THEMIS2: variants seen among roughly 807,000 people sequenced by gnomAD.
THEMIS2 encodes the protein protein THEMIS2.
A neutral mutation model predicts 46.8 loss-of-function variants in THEMIS2; 29 were observed. The ratio of observed to expected loss-of-function variants is 0.62; its 90% CI spans 0.46 to 0.84. THEMIS2 has a LOEUF of 0.84. Among genes scored for constraint, THEMIS2 ranks in the 40% least tolerant of loss-of-function variants. THEMIS2 has a pLI of 0.00. For missense variants in THEMIS2, 698 were observed against 834.7 expected (o/e 0.84, Z 2.02); for synonymous variants, 335 against 349.1 (o/e 0.96, Z 0.45).
Position 27,872,704 on chromosome 1 carries a change from T to A in THEMIS2, c.94+39T>A. ...GGAACCCCTCCGAGCACTCCCTTGG[T>A]GTGGGGCGGGGGCAGAGACCCGGAG... On this transcript the variant is annotated intron_variant, in intron 1 of 5. Coordinates refer to ENST00000373921, the MANE Select transcript of THEMIS2 (RefSeq NM_001105556.3). The surrounding 1 kb of genome is among the most constrained non-coding windows in gnomAD (Gnocchi z 4.9). 1 of 1,259,468 alleles carries A rather than the reference T, an allele frequency of 7.9e-7. No individual in the cohort carries two copies. Among genetic ancestry groups the A allele is most frequent in the Non-Finnish European group, 1.0e-6 (1 of 996,596 alleles). 78.0% of individuals were successfully genotyped at this position (1,259,468 alleles called of 1,614,324 possible).
chr1:27,882,030 G>A lies in THEMIS2; in HGVS notation c.706G>A (p.Ala236Thr), dbSNP rs1161184463. ...TLEVDVEDVT[A>T]SSRHVHFIKP... ...GGAGGTCGACGTGGAGGACGTCACCGCCTCCTCCCGGCACGTCCACTTTAT... is the reference window on the plus strand; with the variant it reads ...GGAGGTCGACGTGGAGGACGTCACCACCTCCTCCCGGCACGTCCACTTTAT... Residue 236 changes from alanine to threonine, a missense_variant, in exon 4 of 6, where the codon GCC (alanine) becomes ACC (threonine). Physicochemically the swap from Ala to Thr is moderately conservative, Grantham distance 58. Coordinates refer to ENST00000373921, the MANE Select transcript of THEMIS2 (RefSeq NM_001105556.3). The surrounding 1 kb of genome is among the most constrained non-coding windows in gnomAD (Gnocchi z 7.6). 7 of 1,614,072 alleles carry A rather than the reference G, an allele frequency of 4.3e-6. No individual in the cohort carries two copies. The highest frequency in any genetic ancestry group is 4.0e-5 in the African/African-American group (3 of 75,042).
Position 27,886,017 on chromosome 1 carries a change from A to C in THEMIS2, c.*95A>C. On this transcript the variant is annotated 3_prime_UTR_variant, in exon 6 of 6. Coordinates refer to ENST00000373921, the MANE Select transcript of THEMIS2 (RefSeq NM_001105556.3). ...CTCTAAAAGACCTCGGGCAAGTCTC[A>C]CAGAAACTGAGCTGCAGACGGGGAG... 100 of 1,192,294 alleles carry C rather than the reference A, an allele frequency of 8.4e-5. No homozygotes were observed. Among genetic ancestry groups the C allele is most frequent in the Non-Finnish European group, 1.2e-4 (94 of 806,414 alleles). 73.9% of individuals were successfully genotyped at this position (1,192,294 alleles called of 1,614,324 possible).
At position 27,876,702 on chromosome 1, in the gene THEMIS2, C is replaced by A; in HGVS notation, c.209C>A (p.Thr70Asn). The A allele has an allele frequency of 1.2e-6, 2 of 1,613,972 alleles. No individual in the cohort carries two copies. The highest frequency in any genetic ancestry group is 1.7e-6 in the Non-Finnish European group (2 of 1,179,986). The change falls in exon 2 of 6, where the codon ACC becomes AAC. Residue 70 changes from threonine (T) to asparagine (N), a missense_variant. Physicochemically the swap from Thr to Asn is moderately conservative, Grantham distance 65. Coordinates refer to ENST00000373921, the MANE Select transcript of THEMIS2 (RefSeq NM_001105556.3). ...VVCENPKTSQ[T>N]MELAPNFQGY... ...TGTGAGAACCCGAAGACCAGCCAGA[C>A]CATGGAGCTCGCCCCCAACTTCCAG...
chr1:27,885,136 G>T, intron 4 of THEMIS2, 159 bp from the exon 5 acceptor site: 1 of 680,778 alleles, frequency 1.5e-6, no homozygotes, highest in Admixed American at 2.9e-5. Flanking sequence ...TATTTCACAT[G>T]CATGTAGCAA....
intron 1 of THEMIS2, 90 bp from the exon 2 acceptor site, chr1:27,876,498 T>A: frequency 6.6e-7 from 1 of 1,511,806 alleles, no homozygotes. Flanking sequence ...TGCAAAGGCA[T>A]GGCAGAGCAG....
Position 27,882,500 on chromosome 1 carries a change from C to T in THEMIS2, c.1176C>T (p.Val392=). 6.2e-7 allele frequency: 1 copy of T among 1,613,466 alleles called. No individual in the cohort carries two copies. ...AHGAQGSDVD[V]LVCQRLSDQA... is the part of the protein sequence containing the mutation. ...GGGCCCAGGGCAGTGACGTGGATGT[C>T]TTGGTTTGTCAGCGGCTGAGTGACC... Residue 392 remains valine, a synonymous_variant, in exon 4 of 6, where the codon GTC becomes GTT. Coordinates refer to ENST00000373921, the MANE Select transcript of THEMIS2 (RefSeq NM_001105556.3). This position sits in a 1 kb window ranked among gnomAD's most constrained non-coding sequence, Gnocchi z 7.6.
intron 1 of THEMIS2, among the ~76,000 whole-genome samples, chr1:27,874,039 T>TTTTTTTTTTG (rs2089536135): frequency 7.4e-6 from 1 of 134,850 alleles, no homozygotes; most frequent in African/African-American, 3.1e-5. Flanking sequence ...CTAGGTTTTT[T>TTTTTTTTTTG]TTTTTTTTTT....
intron 2 of THEMIS2, among the ~76,000 whole-genome samples, chr1:27,877,303 G>A (rs2089597961): frequency 1.3e-5 from 2 of 152,046 alleles, no homozygotes. Flanking sequence ...GAAACCCCAA[G>A]GAGCTCAATT....
chr1:27,880,308 C>G (rs915537972), intron 3 of THEMIS2, among the ~76,000 whole-genome samples: 1 of 152,286 alleles, frequency 6.6e-6, no homozygotes, highest in Middle Eastern at 3.4e-3. Context: ...CCTCAGCCTC[C>G]CGAGTAGCTG....
chr1:27,876,351 A>T (rs576499730), intron 1 of THEMIS2, among the ~76,000 whole-genome samples: 1 of 151,972 alleles, frequency 6.6e-6, no homozygotes, highest in East Asian at 1.9e-4. Context: ...AGGCACGGGG[A>T]TGTGAAAAAG....
At position 27,872,678 on chromosome 1, in the gene THEMIS2, TG is replaced by T; in HGVS notation, c.94+15del. 1 of 1,358,120 alleles carries T rather than the reference TG, an allele frequency of 7.4e-7. No homozygotes were observed. The highest frequency in any genetic ancestry group is 9.5e-7 in the Non-Finnish European group (1 of 1,049,928). The allele number at this position is 1,358,120 out of a possible 1,614,324, so 84.1% of individuals were successfully genotyped here. A position where few individuals can be genotyped will look rare whatever the true frequency, so the allele number is the denominator to read the frequency against. The stretch of plus-strand genomic sequence containing the variant: ...GTCTACTTCGAGGGTGAGCGGGGGC[TG>T]GAACCCCTCCGAGCACTCCCTTGGT... On this transcript the variant is annotated intron_variant, in intron 1 of 5. Coordinates refer to ENST00000373921, the MANE Select transcript of THEMIS2 (RefSeq NM_001105556.3). The surrounding 1 kb of genome is among the most constrained non-coding windows in gnomAD (Gnocchi z 4.9).
Position 27,872,622 on chromosome 1 carries a change from C to T in THEMIS2, c.51C>T (p.Ser17=). 5 of 1,474,862 alleles carry T rather than the reference C, an allele frequency of 3.4e-6. No individual in the cohort carries two copies. Among genetic ancestry groups the T allele is most frequent in the East Asian group, 2.9e-5 (1 of 34,678 alleles). 91.4% of individuals were successfully genotyped at this position (1,474,862 alleles called of 1,614,324 possible). The part of the protein sequence containing the change: ...QDFVRALDPA[S]LPRVLRVCSG... The stretch of plus-strand genomic sequence containing the variant: ...TCGTGCGCGCCTTGGACCCCGCCTC[C>T]CTCCCGCGCGTGCTGCGGGTCTGCT... The change falls in exon 1 of 6, where the codon TCC becomes TCT. Residue 17 remains serine (S), a synonymous_variant. Coordinates refer to ENST00000373921, the MANE Select transcript of THEMIS2 (RefSeq NM_001105556.3). This position sits in a 1 kb window ranked among gnomAD's most constrained non-coding sequence, Gnocchi z 4.9.
rs1212756067 is a variant in THEMIS2 at position 27,872,563 on chromosome 1, G to C, written c.-9G>C. On this transcript the variant is annotated 5_prime_UTR_variant, in exon 1 of 6. Transcript: ENST00000373921. This position sits in a 1 kb window ranked among gnomAD's most constrained non-coding sequence, Gnocchi z 4.9. Reference sequence around the variant, plus strand: ...CCCCTCAGTCTGAGCCCAGAGAGCCGCGGGGACCATGGAGCCGGTGCCGCT... The same window carrying C: ...CCCCTCAGTCTGAGCCCAGAGAGCCCCGGGGACCATGGAGCCGGTGCCGCT... 6.7e-7 allele frequency: 1 copy of C among 1,485,174 alleles called. No homozygotes were observed. Among genetic ancestry groups the C allele is most frequent in the African/African-American group, 1.5e-5 (1 of 68,810 alleles). The allele number at this position is 1,485,174 out of a possible 1,614,324, so 92.0% of individuals were successfully genotyped here.
Position 27,872,620 on chromosome 1 carries a change from T to G in THEMIS2, c.49T>G (p.Ser17Ala). The change falls in exon 1 of 6, where the codon TCC (serine) becomes GCC (alanine). Residue 17 changes from serine to alanine, a missense_variant. Physicochemically the swap from Ser to Ala is moderately conservative, Grantham distance 99. Transcript: ENST00000373921. The surrounding 1 kb of genome is among the most constrained non-coding windows in gnomAD (Gnocchi z 4.9). Reference protein sequence around the residue: ...QDFVRALDPASLPRVLRVCSG... With the variant: ...QDFVRALDPAALPRVLRVCSG... ...CTTCGTGCGCGCCTTGGACCCCGCCTCCCTCCCGCGCGTGCTGCGGGTCTG... is the reference window on the plus strand; with the variant it reads ...CTTCGTGCGCGCCTTGGACCCCGCCGCCCTCCCGCGCGTGCTGCGGGTCTG... 3.4e-6 allele frequency: 5 copies of G among 1,474,790 alleles called. No individual in the cohort carries two copies. The highest frequency in any genetic ancestry group is 3.6e-6 in the Non-Finnish European group (4 of 1,113,828). The allele number at this position is 1,474,790 out of a possible 1,614,324, so 91.4% of individuals were successfully genotyped here.
intron 3 of THEMIS2, 53 bp from the exon 4 acceptor site, chr1:27,881,918 G>T: frequency 2.7e-6 from 4 of 1,456,752 alleles, no homozygotes; most frequent in Non-Finnish European, 3.8e-6. Flanking sequence ...TGCCTGGGGT[G>T]GGGGCCACTC....
chr1:27,878,837 T>G lies in THEMIS2; in HGVS notation c.236-807T>G, dbSNP rs190303385. ...ATATGCTTTATAGCAGTTTTTCCCC[T>G]CAATCCAGAGTCCAGTCCTAGATCA... On this transcript the variant is annotated intron_variant, in intron 2 of 5. Transcript: ENST00000373921. 3.9e-5 allele frequency among the ~76,000 whole-genome samples: 6 copies of G among 152,298 alleles called. No individual in the cohort carries two copies. In the East Asian group the frequency reaches 9.7e-4, roughly 25 times the overall value.
intron 2 of THEMIS2, among the ~76,000 whole-genome samples, chr1:27,879,216 T>G (rs907814100): frequency 1.3e-5 from 2 of 152,052 alleles, no homozygotes; most frequent in Admixed American, 1.3e-4. Flanking sequence ...CAGCAGCTCC[T>G]GGGATGTTCG....
intron 5 of THEMIS2, 101 bp downstream of exon 5, chr1:27,885,552 C>G: frequency 2.1e-6 from 3 of 1,421,662 alleles, no homozygotes; most frequent in Non-Finnish European, 2.8e-6. Flanking sequence ...ACAGACCCTT[C>G]TATGGTCCCA....
rs1557452449 is a variant in THEMIS2 at position 27,882,260 on chromosome 1, G to A, written c.936G>A (p.Arg312=). The A allele has an allele frequency of 1.2e-6, 2 of 1,608,164 alleles. No individual in the cohort carries two copies. The highest frequency in any genetic ancestry group is 1.3e-5 in the African/African-American group (1 of 74,832). ...LASSKGRKVP[R]HFLVSGGYQG... ...CAAGCAAGGGCCGCAAGGTGCCCAGGCACTTCCTGGTGTCAGGGGGCTACC... is the reference window on the plus strand; with the variant it reads ...CAAGCAAGGGCCGCAAGGTGCCCAGACACTTCCTGGTGTCAGGGGGCTACC... The change falls in exon 4 of 6, where the codon AGG becomes AGA. Residue 312 remains arginine (R), a synonymous_variant. Transcript: ENST00000373921. This position sits in a 1 kb window ranked among gnomAD's most constrained non-coding sequence, Gnocchi z 7.6.
Sources: allele counts gnomAD v4.1 joint callset (sites outside exome capture counted in the v4.1 genomes callset), GRCh38; gene constraint gnomAD v4.1.1; non-coding constraint Gnocchi (gnomAD v3.1); transcripts MANE v1.5; gene names NCBI Gene and HGNC (gene_info 2026-07-23, HGNC 2026-07-21).